Variants in COMT observed in about 807,000 individuals in gnomAD.
COMT encodes the protein catechol O-methyltransferase.
COMT carries 13 observed loss-of-function variants against 18.9 expected under a neutral mutation model. That is an observed-to-expected ratio of 0.69 (90% CI 0.45 to 1.09). The LOEUF (loss-of-function observed/expected upper bound fraction) is 1.09. COMT is among the 50% of genes least tolerant of loss of function. The probability of loss-of-function intolerance (pLI) is 0.00; values close to 1 mark genes in which losing one functional copy is unlikely to be tolerated. For synonymous variants in COMT, 150 were observed against 160.9 expected (o/e 0.93, Z 0.51); for missense variants, 329 against 361.8 (o/e 0.91, Z 0.73).
rs1193185226 is a variant in COMT at position 19,963,485 on chromosome 22, A to T, written c.290-81A>T. 4 of 1,506,686 alleles carry T rather than the reference A, an allele frequency of 2.7e-6. No individual in the cohort carries two copies. In the Admixed American group the frequency reaches 5.4e-5, roughly 20 times the overall value. The allele number at this position is 1,506,686 out of a possible 1,614,324, so 93.3% of individuals were successfully genotyped here. On this transcript the variant is annotated intron_variant, in intron 3 of 5. Transcript: ENST00000361682. ...GGGAGGGGCTCCTGCTCTTTGGGAG[A>T]GGTGGGGGGCCGTGCCTGGGGATCC... is the stretch of plus-strand genomic sequence containing the variant.
Position 19,968,912 on chromosome 22 carries a change from T to C in COMT, c.*176T>C, listed in dbSNP as rs1486485244. ...CTGAACTGCAACACTGGATTGTTCT[T>C]TTTTAAGACTCAATCATGACTTCTT... is the stretch of plus-strand genomic sequence containing the variant. On this transcript the variant is annotated 3_prime_UTR_variant, in exon 6 of 6. Coordinates refer to ENST00000361682, the MANE Select transcript of COMT (RefSeq NM_000754.4). 1.6e-6 allele frequency: 1 copy of C among 618,858 alleles called. No homozygotes were observed. The highest frequency in any genetic ancestry group is 2.9e-6 in the Non-Finnish European group (1 of 345,812). 38.3% of individuals were successfully genotyped at this position (618,858 alleles called of 1,614,324 possible).
chr22:19,945,366 C>A (rs1223736609), intron 1 of COMT, among the ~76,000 whole-genome samples: 1 of 152,180 alleles, frequency 6.6e-6, no homozygotes, highest in Non-Finnish European at 1.5e-5. Context: ...CAAAGTCAAC[C>A]TGAAAGCCAT....
rs1261223073 is a variant in COMT at position 19,961,224 on chromosome 22, C to T, written c.-66C>T. ...AAATAACATCTGCTTTGCTGCCGAG[C>T]TCAGAGGAGACCCCAGACCCCTCCC... On this transcript the variant is annotated 5_prime_UTR_variant, in exon 2 of 6. Coordinates refer to ENST00000361682, the MANE Select transcript of COMT (RefSeq NM_000754.4). The T allele has an allele frequency of 2.0e-5, 3 of 152,296 alleles. No homozygotes were observed. Among genetic ancestry groups the T allele is most frequent in the East Asian group, 3.8e-4 (2 of 5,196 alleles). 9.4% of individuals were successfully genotyped at this position (152,296 alleles called of 1,614,324 possible). A position where few individuals can be genotyped will look rare whatever the true frequency, so the allele number is the denominator to read the frequency against.
intron 5 of COMT, 173 bp downstream of exon 5, chr22:19,964,472 G>A (rs1942289227): frequency 1.1e-6 from 1 of 947,290 alleles, no homozygotes; most frequent in African/African-American, 1.6e-5. Flanking sequence ...CCCTGTGGTG[G>A]GTGGAGATGG....
At chr22:19,966,562 T>C (rs1013831416) in intron 5 of COMT, among the ~76,000 whole-genome samples, 8 of 150,732 alleles carry the variant, frequency 5.3e-5, no homozygotes, top group Non-Finnish European at 7.4e-5. Context: ...CACCTCAGCC[T>C]CCTGAGTAGC....
Position 19,967,191 on chromosome 22 carries a change from G to A in COMT, c.616-1345G>A, listed in dbSNP as rs772260799. The stretch of plus-strand genomic sequence containing the variant: ...GCAGTGGTCTGGTGTCTTTCAGTCC[G>A]CTGACGTCTTCTGTATCCCTGATGA... On this transcript the variant is annotated intron_variant, in intron 5 of 5. Coordinates refer to ENST00000361682, the MANE Select transcript of COMT (RefSeq NM_000754.4). 22 of 1,304,546 alleles carry A rather than the reference G, an allele frequency of 1.7e-5. No individual in the cohort carries two copies. In the East Asian group the frequency reaches 2.8e-4, roughly 16 times the overall value. 80.8% of individuals were successfully genotyped at this position (1,304,546 alleles called of 1,614,324 possible).
In COMT at chr22:19,968,861, G is replaced by GCCTGCGC. The variant is rs2146200844; in HGVS notation, c.*130_*136dup. The GCCTGCGC allele has an allele frequency of 2.3e-6, 2 of 874,226 alleles. No homozygotes were observed. The highest frequency in any genetic ancestry group is 2.9e-5 in the South Asian group (2 of 69,210). The allele number at this position is 874,226 out of a possible 1,614,324, so 54.2% of individuals were successfully genotyped here. A position where few individuals can be genotyped will look rare whatever the true frequency, so the allele number is the denominator to read the frequency against. On this transcript the variant is annotated 3_prime_UTR_variant, in exon 6 of 6. Transcript: ENST00000361682. ...AAATGCAAAGCACACCTCGGCCGAG[G>GCCTGCGC]CCTGCGCCCTGACATGCTAACCTCT...
intron 1 of COMT, 127 bp from the exon 2 acceptor site, chr22:19,961,072 C>G (rs1414693352): frequency 6.6e-6 from 1 of 152,324 alleles, no homozygotes; most frequent in Non-Finnish European, 1.5e-5. Context: ...ACTGCCCTCG[C>G]CCTGCTAGGG....
chr22:19,946,037 T>TA (rs1313233767), intron 1 of COMT, among the ~76,000 whole-genome samples: 2 of 152,142 alleles, frequency 1.3e-5, no homozygotes, highest in Non-Finnish European at 2.9e-5. Context: ...ACAAAAGTCA[T>TA]AAAAAGACTG....
At chr22:19,946,758 T>C (rs1225814072) in intron 1 of COMT, among the ~76,000 whole-genome samples, 2 of 152,170 alleles carry the variant, frequency 1.3e-5, no homozygotes, top group Non-Finnish European at 2.9e-5. Context: ...ACCAGAATGA[T>C]GATTGCTGTT....
chr22:19,941,837 C>CGCCGCGCTGCCT lies in COMT; in HGVS notation c.-149_-138dup. On this transcript the variant is annotated 5_prime_UTR_variant, in exon 1 of 6. Transcript: ENST00000361682. ...GGCTTCTGGGGCAGCTAGGGCTGCC[C>CGCCGCGCTGCCT]GCCGCGCTGCCTGCGCCGGACCGGG... 2 of 1,493,238 alleles carry CGCCGCGCTGCCT rather than the reference C, an allele frequency of 1.3e-6. No homozygotes were observed. The highest frequency in any genetic ancestry group is 8.8e-7 in the Non-Finnish European group (1 of 1,130,964). 92.5% of individuals were successfully genotyped at this position (1,493,238 alleles called of 1,614,324 possible).
chr22:19,950,326 C>G (rs1257946339), intron 1 of COMT, among the ~76,000 whole-genome samples: 1 of 140,180 alleles, frequency 7.1e-6, no homozygotes, highest in African/African-American at 2.6e-5. Context: ...CTCAAGTGAT[C>G]CACTTACCTT....
chr22:19,961,580 G>A (rs9332362), intron 2 of COMT: 3,751 of 152,390 alleles, frequency 0.025, 73 homozygotes, highest in South Asian at 0.085. Flanking sequence ...AAAATGGAGC[G>A]TCCAGCAGAG....
chr22:19,950,446 C>A (rs1441348852), intron 1 of COMT, among the ~76,000 whole-genome samples: 1 of 152,032 alleles, frequency 6.6e-6, no homozygotes, highest in Non-Finnish European at 1.5e-5. Flanking sequence ...GTCACTTGCT[C>A]CATGTGAGGG....
Position 19,968,970 on chromosome 22 carries a change from A to G in COMT, c.*234A>G. 2 of 468,210 alleles carry G rather than the reference A, an allele frequency of 4.3e-6. No individual in the cohort carries two copies. Among genetic ancestry groups the G allele is most frequent in the South Asian group, 5.8e-5 (2 of 34,354 alleles). 29.0% of individuals were successfully genotyped at this position (468,210 alleles called of 1,614,324 possible). Reference sequence around the variant, plus strand: ...ACTGGCTAGCTATATTATCTTATATACTAATATCATGTTTTAAAAATATAA... The same window carrying G: ...ACTGGCTAGCTATATTATCTTATATGCTAATATCATGTTTTAAAAATATAA... On this transcript the variant is annotated 3_prime_UTR_variant, in exon 6 of 6. Transcript: ENST00000361682.
At chr22:19,945,532 C>A (rs1242777520) in intron 1 of COMT, among the ~76,000 whole-genome samples, 2 of 151,914 alleles carry the variant, frequency 1.3e-5, no homozygotes, top group South Asian at 4.2e-4. Flanking sequence ...AAATAGAATA[C>A]TCAATAATAG....
At chr22:19,948,870 G>T (rs911726363) in intron 1 of COMT, among the ~76,000 whole-genome samples, 1 of 143,194 alleles carries the variant, frequency 7.0e-6, no homozygotes, top group Non-Finnish European at 1.5e-5. Flanking sequence ...CAGCAGAATT[G>T]CTTAAGCCTG....
chr22:19,950,719 G>A (rs1024929412), intron 1 of COMT, among the ~76,000 whole-genome samples: 1 of 152,076 alleles, frequency 6.6e-6, no homozygotes. Context: ...AGAAAGTAGG[G>A]AAGTATGGAG....
At chr22:19,953,394 A>G (rs1234797612) in intron 1 of COMT, among the ~76,000 whole-genome samples, 1 of 152,086 alleles carries the variant, frequency 6.6e-6, no homozygotes. Flanking sequence ...CCACGGTTCA[A>G]GCGATTCTCC....
Sources: allele counts gnomAD v4.1 joint callset (sites outside exome capture counted in the v4.1 genomes callset), GRCh38; gene constraint gnomAD v4.1.1; transcripts MANE v1.5; gene names NCBI Gene and HGNC (gene_info 2026-07-23, HGNC 2026-07-21).